The following MYPN variants were observed in gnomAD, a reference collection of about 807,000 sequenced individuals.
MYPN encodes the protein myopalladin, also known as sarcomeric protein myopalladin, 145 kDa (MYOP).
A neutral mutation model predicts 129.4 loss-of-function variants in MYPN; 63 were observed. The ratio of observed to expected loss-of-function variants is 0.49; its 90% CI spans 0.40 to 0.60. The LOEUF is 0.60. Among genes scored for constraint, MYPN ranks in the 20% least tolerant of loss-of-function variants. MYPN has a pLI of 0.00. For missense variants in MYPN, 1,596 were observed against 1,635.4 expected, an observed-to-expected ratio of 0.98 and a Z score of 0.42; for synonymous variants, 629 against 600.9, an observed-to-expected ratio of 1.05 and a Z score of -0.68.
rs149358289 is a variant in MYPN at position 68,088,678 on chromosome 10, G to A, written c.-2+686G>A. The stretch of plus-strand genomic sequence containing the variant: ...AAAACCTTCCAGTGCTATTAACACA[G>A]TTTCTCACAGGGTTAATCTGAAGGA... On this transcript the variant is annotated intron_variant, in intron 1 of 6. Transcript: ENST00000685154. 8.5e-4 allele frequency among the ~76,000 whole-genome samples: 130 copies of A among 152,282 alleles called. 2 individuals carry two copies. Among genetic ancestry groups the A allele is most frequent in the African/African-American group, 3.0e-3 (125 of 41,566 alleles).
chr10:68,107,547 C>T (rs142381398), upstream of MYPN, among the ~76,000 whole-genome samples: 336 of 149,582 alleles, frequency 2.2e-3, 2 homozygotes, highest in East Asian at 0.029. Flanking sequence ...GATGGGGTTT[C>T]GCTACGTTGC....
chr10:68,091,393 CTTTTTTTTT>C (rs11301512), intron 1 of MYPN, among the ~76,000 whole-genome samples: 2 of 106,760 alleles, frequency 1.9e-5, no homozygotes, highest in Non-Finnish European at 3.5e-5. Context: ...GACTACAGCC[CTTTTTTTTT>C]TTTTTTTTTT....
At chr10:68,123,390 A>C (rs2042277013) in intron 2 of MYPN, among the ~76,000 whole-genome samples, 1 of 149,712 alleles carries the variant, frequency 6.7e-6, no homozygotes, top group South Asian at 2.1e-4. Flanking sequence ...AAAATGAGTA[A>C]ATTAGGCCTG....
At chr10:68,161,848 A>ACTTT in intron 8 of MYPN, 96 bp downstream of exon 8, 1 of 1,039,148 alleles carries the variant, frequency 9.6e-7, no homozygotes. Context: ...TAAAAAGTGA[A>ACTTT]AAATAAAGTT....
At position 68,211,085 on chromosome 10, in the gene MYPN, A is replaced by G. The variant is rs1336690511; in HGVS notation, c.*630A>G. Reference sequence around the variant, plus strand: ...CTTGAGATTCCAAAAACTTGCTGAAACACTTGATATTGCACAGTGCACTTA... The same window carrying G: ...CTTGAGATTCCAAAAACTTGCTGAAGCACTTGATATTGCACAGTGCACTTA... On this transcript the variant is annotated 3_prime_UTR_variant, in exon 20 of 20. Transcript: ENST00000358913. The G allele has an allele frequency of 2.2e-6, 1 of 454,116 alleles. No homozygotes were observed. 28.1% of individuals were successfully genotyped at this position (454,116 alleles called of 1,614,324 possible). A position where few individuals can be genotyped will look rare whatever the true frequency, so the allele number is the denominator to read the frequency against.
intron 13 of MYPN, among the ~76,000 whole-genome samples, chr10:68,190,599 G>T (rs4746734): frequency 2.6e-5 from 4 of 151,992 alleles, no homozygotes; most frequent in African/African-American, 9.7e-5. Context: ...CTTGTCAGAT[G>T]GATACTTTGC....
intron 1 of MYPN, among the ~76,000 whole-genome samples, chr10:68,089,013 G>A (rs375267779): frequency 7.2e-5 from 11 of 152,162 alleles, no homozygotes; most frequent in South Asian, 2.1e-4. Context: ...CACACAATGC[G>A]TAGTCTTTTG....
intron 1 of MYPN, among the ~76,000 whole-genome samples, chr10:68,120,567 C>A (rs1004292480): frequency 6.6e-6 from 1 of 152,132 alleles, no homozygotes; most frequent in Admixed American, 6.5e-5. Context: ...AGCCTAATAA[C>A]AACATTGAAT....
At chr10:68,149,099 G>T (rs1331967661) in intron 5 of MYPN, among the ~76,000 whole-genome samples, 1 of 152,096 alleles carries the variant, frequency 6.6e-6, no homozygotes, top group Non-Finnish European at 1.5e-5. Flanking sequence ...ATGGTGCCAT[G>T]CACCTATGGT....
rs12221035 is a variant in MYPN at position 68,136,579 on chromosome 10, G to A, written c.903-6361G>A. ...GTCATGCTGTTAAAGTCAGAGTGAC[G>A]GTTACCGATTGTTTTTTTAGGCCTG... On this transcript the variant is annotated intron_variant, in intron 2 of 19. Transcript: ENST00000358913. The A allele has an allele frequency of 0.1, 154,076 of 1,488,664 alleles. 10,857 individuals are homozygous for A. The highest frequency in any genetic ancestry group is 0.41 in the East Asian group (16,324 of 39,786). The allele number at this position is 1,488,664 out of a possible 1,614,324, so 92.2% of individuals were successfully genotyped here. A position where few individuals can be genotyped will look rare whatever the true frequency, so the allele number is the denominator to read the frequency against.
intron 2 of MYPN, among the ~76,000 whole-genome samples, chr10:68,133,062 G>T (rs1318215057): frequency 5.0e-5 from 6 of 119,420 alleles, no homozygotes; most frequent in African/African-American, 1.7e-4. Context: ...GTCTTGCTCT[G>T]TCACCCAGGC....
chr10:68,194,303 A>G (rs374438295), intron 13 of MYPN, 60 bp from the exon 14 acceptor site: 29 of 1,584,026 alleles, frequency 1.8e-5, no homozygotes, highest in South Asian at 1.7e-4. Flanking sequence ...CCCAGACCCT[A>G]GTTCATTAAC....
upstream of MYPN, among the ~76,000 whole-genome samples, chr10:68,101,334 G>C (rs1322665514): frequency 1.3e-5 from 2 of 152,216 alleles, no homozygotes; most frequent in Non-Finnish European, 2.9e-5. Flanking sequence ...ATTTTGGTTG[G>C]AGATAAGTAA....
At chr10:68,139,867 G>C (rs1467885621) in intron 2 of MYPN, among the ~76,000 whole-genome samples, 4 of 152,218 alleles carry the variant, frequency 2.6e-5, no homozygotes, top group Non-Finnish European at 4.4e-5. Flanking sequence ...TTGTAGTGGT[G>C]AATAAGACCA....
chr10:68,113,051 G>A (rs1003171839), intron 1 of MYPN, among the ~76,000 whole-genome samples: 1 of 152,176 alleles, frequency 6.6e-6, no homozygotes, highest in African/African-American at 2.4e-5. Context: ...GTCAATACTG[G>A]CATTAAAAAG....
intron 5 of MYPN, among the ~76,000 whole-genome samples, chr10:68,149,476 T>C (rs2042728986): frequency 6.6e-6 from 1 of 152,096 alleles, no homozygotes; most frequent in African/African-American, 2.4e-5. Context: ...TTCAAAAAAT[T>C]ATTTGTAGAG....
At chr10:68,149,892 T>G in intron 5 of MYPN, 148 bp from the exon 6 acceptor site, 1 of 731,854 alleles carries the variant, frequency 1.4e-6, no homozygotes, top group Non-Finnish European at 2.4e-6. Context: ...AGTCTAAAAT[T>G]TGAAGTCTGT....
rs750536619 is a variant in MYPN at position 68,144,020 on chromosome 10, G to T, written c.1078+905G>T. Among the ~76,000 whole-genome samples, 25 of 152,138 alleles carry T rather than the reference G, an allele frequency of 1.6e-4. No homozygotes were observed. The East Asian group carries it at 3.9e-3, about 23-fold the overall frequency. On this transcript the variant is annotated intron_variant, in intron 3 of 19. Coordinates refer to ENST00000358913, the MANE Select transcript of MYPN (RefSeq NM_032578.4). Reference sequence around the variant, plus strand: ...TCTGCCCACCTCGGCCTCCCAAAGTGCTGGGATTATAGGTGTGAGTCACTG... The same window carrying T: ...TCTGCCCACCTCGGCCTCCCAAAGTTCTGGGATTATAGGTGTGAGTCACTG...
intron 1 of MYPN, among the ~76,000 whole-genome samples, chr10:68,113,982 A>T (rs10997935): frequency 6.6e-6 from 1 of 151,952 alleles, no homozygotes; most frequent in Non-Finnish European, 1.5e-5. Context: ...GTACAGCAAG[A>T]CTCCATAATT....
Sources: gnomAD v4.1 joint callset for allele counts (sites outside exome capture counted in the v4.1 genomes callset) on GRCh38, gnomAD v4.1.1 for gene constraint, MANE v1.5 for transcripts, NCBI Gene and HGNC (gene_info 2026-07-23, HGNC 2026-07-21) for gene names.